The following EFNB2 variants were observed in gnomAD, a reference collection of about 807,000 sequenced individuals.
The protein encoded by EFNB2 is ephrin B2.
Under a neutral mutation model 32.1 loss-of-function variants are expected in EFNB2, and 5 were observed. That is an observed-to-expected ratio of 0.16 (90% CI 0.08 to 0.33). The LOEUF (loss-of-function observed/expected upper bound fraction) is 0.33, where lower values mean the gene tolerates loss of function less well. Ranked by LOEUF, EFNB2 falls within the 10% of genes least tolerant of loss-of-function variation. The pLI is 1.00. For synonymous variants in EFNB2, 168 were observed against 166.5 expected, an observed-to-expected ratio of 1.01 and a Z score of -0.07; for missense variants, 263 against 422.6, an observed-to-expected ratio of 0.62 and a Z score of 3.31.
At position 106,503,813 on chromosome 13, in the gene EFNB2, TAAGA is replaced by T. The variant is rs757415829; in HGVS notation, c.407-7977_407-7974del. Among the ~76,000 whole-genome samples, 4 of 152,058 alleles carry T rather than the reference TAAGA, an allele frequency of 2.6e-5. No individual in the cohort carries two copies. The East Asian group carries it at 7.7e-4, about 29-fold the overall frequency. Reference sequence around the variant, plus strand: ...ATGCTTAATATGGGCCAAAATCTACTAAGATAGAGGAATTGTGTTTTAAAAATAG... The same window carrying T: ...ATGCTTAATATGGGCCAAAATCTACTTAGAGGAATTGTGTTTTAAAAATAG... On this transcript the variant is annotated intron_variant, in intron 2 of 4. Transcript: ENST00000646441.
chr13:106,490,820 C>T lies in EFNB2; in HGVS notation c.*2220G>A, dbSNP rs1229287271. On this transcript the variant is annotated 3_prime_UTR_variant, in exon 5 of 5. Coordinates refer to ENST00000646441, the MANE Select transcript of EFNB2 (RefSeq NM_004093.4). Reference sequence around the variant, plus strand: ...TATACCACGCACCCACTCACACATACACACACGCACTTTGGACCAACATCA... The same window carrying T: ...TATACCACGCACCCACTCACACATATACACACGCACTTTGGACCAACATCA... 1 of 152,416 alleles carries T rather than the reference C, an allele frequency of 6.6e-6. No individual in the cohort carries two copies. Among genetic ancestry groups the T allele is most frequent in the Non-Finnish European group, 1.5e-5 (1 of 68,004 alleles). The allele number at this position is 152,416 out of a possible 1,614,324, so 9.4% of individuals were successfully genotyped here. A position where few individuals can be genotyped will look rare whatever the true frequency, so the allele number is the denominator to read the frequency against.
At chr13:106,514,584 A>G (rs1379111946) in intron 1 of EFNB2, among the ~76,000 whole-genome samples, 1 of 152,202 alleles carries the variant, frequency 6.6e-6, no homozygotes, top group Non-Finnish European at 1.5e-5. Context: ...ACTAAATTCC[A>G]TAAACATTAA....
intron 2 of EFNB2, 95 bp downstream of exon 2, chr13:106,512,434 A>T: frequency 1.2e-6 from 1 of 821,014 alleles, no homozygotes. Flanking sequence ...TCATCAAATT[A>T]TTTGTCACAA....
Position 106,493,906 on chromosome 13 carries a change from C to T in EFNB2, c.614-478G>A, listed in dbSNP as rs922478983. Reference sequence around the variant, plus strand: ...TGCCTCCTGGCAGAACAGAACAGCTCGGGAACGCGGAAGGAGTGAGGGGGC... The same window carrying T: ...TGCCTCCTGGCAGAACAGAACAGCTTGGGAACGCGGAAGGAGTGAGGGGGC... On this transcript the variant is annotated intron_variant, in intron 4 of 4. Coordinates refer to ENST00000646441, the MANE Select transcript of EFNB2 (RefSeq NM_004093.4). This position sits in a 1 kb window ranked among gnomAD's most constrained non-coding sequence, Gnocchi z 6.1. Among the ~76,000 whole-genome samples the T allele has an allele frequency of 1.3e-5, 2 of 152,184 alleles. No individual in the cohort carries two copies. Among genetic ancestry groups the T allele is most frequent in the Admixed American group, 1.3e-4 (2 of 15,292 alleles).
Position 106,512,392 on chromosome 13 carries a change from AGGGG to A in EFNB2, c.406+133_406+136del, listed in dbSNP as rs59267623. 39 of 301,438 alleles carry A rather than the reference AGGGG, an allele frequency of 1.3e-4. 2 individuals carry two copies. The highest frequency in any genetic ancestry group is 1.0e-5 in the Non-Finnish European group (2 of 191,288). 18.7% of individuals were successfully genotyped at this position (301,438 alleles called of 1,614,324 possible). On this transcript the variant is annotated intron_variant, in intron 2 of 4. Transcript: ENST00000646441. ...ATGAAGTTTTCTTTGAAAAAAAAAA[AGGGG>A]GGGGGGACAATTTTTCCACATAGAT...
At position 106,492,789 on chromosome 13, in the gene EFNB2, G is replaced by A. The variant is rs1878453368; in HGVS notation, c.*251C>T. ...GCTTCGAGGAGGAGACGTGGGACGC[G>A]GCACAGCAGTCCGAATGGGCGTCTT... On this transcript the variant is annotated 3_prime_UTR_variant, in exon 5 of 5. Transcript: ENST00000646441. The surrounding 1 kb of genome is among the most constrained non-coding windows in gnomAD (Gnocchi z 5.1). 1.6e-5 allele frequency: 7 copies of A among 444,878 alleles called. No individual in the cohort carries two copies. The highest frequency in any genetic ancestry group is 1.0e-4 in the Admixed American group (3 of 28,752). The allele number at this position is 444,878 out of a possible 1,614,324, so 27.6% of individuals were successfully genotyped here.
Position 106,493,452 on chromosome 13 carries a change from G to A in EFNB2, c.614-24C>T. ...ACCTGCAGACGCGGAGACAGAAAAGGTCAGAGATAGTTACTGCTGTCCCAG... is the reference window on the plus strand; with the variant it reads ...ACCTGCAGACGCGGAGACAGAAAAGATCAGAGATAGTTACTGCTGTCCCAG... On this transcript the variant is annotated intron_variant, in intron 4 of 4. Coordinates refer to ENST00000646441, the MANE Select transcript of EFNB2 (RefSeq NM_004093.4). The surrounding 1 kb of genome is among the most constrained non-coding windows in gnomAD (Gnocchi z 6.1). The A allele has an allele frequency of 6.3e-7, 1 of 1,588,436 alleles. No individual in the cohort carries two copies. The highest frequency in any genetic ancestry group is 8.6e-7 in the Non-Finnish European group (1 of 1,165,414).
chr13:106,492,951 T>C lies in EFNB2; in HGVS notation c.*89A>G. ...CCCCCGGTGCTGTGCTTCAGTCAAT[T>C]CTCCAGCACGCGGGCTCTCAAACCC... On this transcript the variant is annotated 3_prime_UTR_variant, in exon 5 of 5. Coordinates refer to ENST00000646441, the MANE Select transcript of EFNB2 (RefSeq NM_004093.4). This position sits in a 1 kb window ranked among gnomAD's most constrained non-coding sequence, Gnocchi z 5.1. The C allele has an allele frequency of 6.7e-7, 1 of 1,491,544 alleles. No homozygotes were observed. Among genetic ancestry groups the C allele is most frequent in the East Asian group, 2.3e-5 (1 of 43,852 alleles). The allele number at this position is 1,491,544 out of a possible 1,614,324, so 92.4% of individuals were successfully genotyped here. A position where few individuals can be genotyped will look rare whatever the true frequency, so the allele number is the denominator to read the frequency against.
chr13:106,532,909 C>T (rs573510057), intron 1 of EFNB2, among the ~76,000 whole-genome samples: 1 of 151,720 alleles, frequency 6.6e-6, no homozygotes, highest in Non-Finnish European at 1.5e-5. Context: ...AACGTCTAAA[C>T]CTTAGGTTGA....
intron 2 of EFNB2, 134 bp downstream of exon 2, chr13:106,512,395 G>GGT (rs1566459235): frequency 1.7e-6 from 1 of 573,250 alleles, no homozygotes; most frequent in Non-Finnish European, 2.6e-6. Context: ...AAAAAAAAGG[G>GGT]GGGGGGGACA....
intron 1 of EFNB2, chr13:106,521,522 G>A (rs191751921): frequency 9.2e-5 from 14 of 152,268 alleles, no homozygotes; most frequent in Admixed American, 5.2e-4. Flanking sequence ...ATACAGCTGC[G>A]TGTGATGCTG....
At chr13:106,526,587 G>T (rs1879709396) in intron 1 of EFNB2, among the ~76,000 whole-genome samples, 1 of 151,974 alleles carries the variant, frequency 6.6e-6, no homozygotes, top group Non-Finnish European at 1.5e-5. Context: ...CATAGCAAGG[G>T]GGGGATTCAA....
At chr13:106,495,035 G>T in intron 3 of EFNB2, 41 bp from the exon 4 acceptor site, 2 of 1,502,354 alleles carry the variant, frequency 1.3e-6, no homozygotes, top group South Asian at 2.3e-5. Flanking sequence ...ACAGACATCT[G>T]ACAATATCTA....
chr13:106,526,760 C>T (rs1295928321), intron 1 of EFNB2, among the ~76,000 whole-genome samples: 1 of 152,162 alleles, frequency 6.6e-6, no homozygotes, highest in East Asian at 1.9e-4. Context: ...TGAGACAATT[C>T]TGATTCTGGG....
intron 2 of EFNB2, among the ~76,000 whole-genome samples, chr13:106,501,645 T>G (rs1431608534): frequency 4.6e-5 from 7 of 150,824 alleles, no homozygotes; most frequent in African/African-American, 9.8e-5. Flanking sequence ...CAGGCTGGAG[T>G]GCAGTGGTGT....
chr13:106,513,567 C>T (rs1341708862), intron 1 of EFNB2, among the ~76,000 whole-genome samples: 3 of 152,082 alleles, frequency 2.0e-5, no homozygotes, highest in Non-Finnish European at 4.4e-5. Flanking sequence ...ATCTTTAGAA[C>T]TAAGACTACT....
At position 106,512,466 on chromosome 13, in the gene EFNB2, T is replaced by C. The variant is rs572896961; in HGVS notation, c.406+63A>G. The C allele has an allele frequency of 4.5e-6, 5 of 1,101,970 alleles. No homozygotes were observed. In the East Asian group the frequency reaches 9.6e-5, roughly 21 times the overall value. The allele number at this position is 1,101,970 out of a possible 1,614,324, so 68.3% of individuals were successfully genotyped here. A position where few individuals can be genotyped will look rare whatever the true frequency, so the allele number is the denominator to read the frequency against. ...ACAATAATTTTAAGGAAACAAAAAA[T>C]TGATACAAACCTATATAGCTTATCT... On this transcript the variant is annotated intron_variant, in intron 2 of 4. Coordinates refer to ENST00000646441, the MANE Select transcript of EFNB2 (RefSeq NM_004093.4).
chr13:106,495,105 TA>T, intron 3 of EFNB2, 111 bp from the exon 4 acceptor site: 1 of 801,874 alleles, frequency 1.2e-6, no homozygotes, highest in Non-Finnish European at 2.1e-6. Context: ...TAAGAGTCTT[TA>T]TGCAAAGTAC....
Position 106,492,506 on chromosome 13 carries a change from TGA to T in EFNB2, c.*532_*533del. Reference sequence around the variant, plus strand: ...GCAGATGTGGAGTGGAGGTCTCAGGTGAGGTGCTGCAGAGCCCTGGGTAACAG... The same window carrying T: ...GCAGATGTGGAGTGGAGGTCTCAGGTGGTGCTGCAGAGCCCTGGGTAACAG... On this transcript the variant is annotated 3_prime_UTR_variant, in exon 5 of 5. Coordinates refer to ENST00000646441, the MANE Select transcript of EFNB2 (RefSeq NM_004093.4). The surrounding 1 kb of genome is among the most constrained non-coding windows in gnomAD (Gnocchi z 5.1). 2 of 153,510 alleles carry T rather than the reference TGA, an allele frequency of 1.3e-5. No homozygotes were observed. Among genetic ancestry groups the T allele is most frequent in the Admixed American group, 6.4e-5 (1 of 15,578 alleles). The allele number at this position is 153,510 out of a possible 1,614,324, so 9.5% of individuals were successfully genotyped here.
Sources: allele counts gnomAD v4.1 joint callset (sites outside exome capture counted in the v4.1 genomes callset), GRCh38; gene constraint gnomAD v4.1.1; non-coding constraint Gnocchi (gnomAD v3.1); transcripts MANE v1.5; gene names NCBI Gene and HGNC (gene_info 2026-07-23, HGNC 2026-07-21).